FGF12: variants seen among roughly 807,000 people sequenced by gnomAD.
The protein encoded by FGF12 is fibroblast growth factor 12, also known as fibroblast growth factor 12B.
Under a neutral mutation model 23.6 loss-of-function variants are expected in FGF12, and 14 were observed. The observed-to-expected ratio is 0.59, with a 90% CI of 0.39 to 0.93. The LOEUF is 0.93. Ranked by LOEUF, FGF12 falls within the 40% of genes least tolerant of loss-of-function variation. The pLI is 0.00. For synonymous variants in FGF12, 62 were observed against 77.3 expected, an observed-to-expected ratio of 0.80 and a Z score of 1.04; for missense variants, 175 against 217.8, an observed-to-expected ratio of 0.80 and a Z score of 1.24.
At chr3:192,603,963 A>T (rs1362222239) in intron 2 of FGF12, among the ~76,000 whole-genome samples, 1 of 152,094 alleles carries the variant, frequency 6.6e-6, no homozygotes, top group African/African-American at 2.4e-5. Flanking sequence ...CCTTATCTCA[A>T]CCACACAGGA....
At chr3:192,520,392 C>T (rs1209726449) in intron 2 of FGF12, among the ~76,000 whole-genome samples, 1 of 152,170 alleles carries the variant, frequency 6.6e-6, no homozygotes. Context: ...TCCTACTATA[C>T]ACTTAAGGTA....
At chr3:192,329,061 C>T (rs1406320555) in intron 4 of FGF12, among the ~76,000 whole-genome samples, 3 of 152,162 alleles carry the variant, frequency 2.0e-5, no homozygotes, top group Non-Finnish European at 4.4e-5. Flanking sequence ...CAAAATTCAA[C>T]AAGTCTTTAC....
chr3:192,588,727 C>A (rs889136945), intron 2 of FGF12, among the ~76,000 whole-genome samples: 1 of 152,034 alleles, frequency 6.6e-6, no homozygotes, highest in Admixed American at 6.5e-5. Flanking sequence ...CAAGGCTATA[C>A]AGCTAGAAAC....
At chr3:192,190,473 T>C (rs796961649) in intron 4 of FGF12, among the ~76,000 whole-genome samples, 2 of 130,776 alleles carry the variant, frequency 1.5e-5, no homozygotes, top group South Asian at 2.8e-4. Flanking sequence ...ATACTCTTTT[T>C]TTTTTTTTTT....
chr3:192,372,040 C>T (rs1018140788), intron 2 of FGF12, among the ~76,000 whole-genome samples: 1 of 152,106 alleles, frequency 6.6e-6, no homozygotes, highest in East Asian at 1.9e-4. Context: ...AAAAAAGTGG[C>T]GGGGCTGTAG....
intron 2 of FGF12, among the ~76,000 whole-genome samples, chr3:192,557,208 T>C (rs2701591): frequency 0.81 from 122,940 of 151,358 alleles, 50,382 homozygotes; most frequent in East Asian, 0.95. Context: ...AAGATTAAAG[T>C]AGAAATAAAT....
At chr3:192,199,978 C>G (rs1010324363) in intron 4 of FGF12, among the ~76,000 whole-genome samples, 13 of 152,010 alleles carry the variant, frequency 8.6e-5, no homozygotes, top group African/African-American at 3.1e-4. Flanking sequence ...ACGTACTGCT[C>G]CCTGGCTCCA....
intron 2 of FGF12, among the ~76,000 whole-genome samples, chr3:192,584,865 C>A (rs1713308096): frequency 6.6e-6 from 1 of 152,016 alleles, no homozygotes; most frequent in African/African-American, 2.4e-5. Context: ...GTAAAGCTGC[C>A]AACAAAACTC....
chr3:192,476,782 T>C (rs1448370259), intron 2 of FGF12, among the ~76,000 whole-genome samples: 1 of 152,140 alleles, frequency 6.6e-6, no homozygotes, highest in Non-Finnish European at 1.5e-5. Flanking sequence ...AGACTGATTA[T>C]AGCCAAATTG....
chr3:192,548,374 A>T (rs569633095), intron 2 of FGF12, among the ~76,000 whole-genome samples: 32 of 152,328 alleles, frequency 2.1e-4, no homozygotes, highest in South Asian at 1.2e-3. Flanking sequence ...AATTTCAGAC[A>T]TTACACAGTT....
chr3:192,314,274 TA>T (rs1468533864), intron 4 of FGF12, among the ~76,000 whole-genome samples: 45 of 148,342 alleles, frequency 3.0e-4, no homozygotes, highest in African/African-American at 1.0e-3. Flanking sequence ...TGCTTAAAAT[TA>T]AAAATTAAAA....
chr3:192,327,222 A>G (rs537766614), intron 4 of FGF12, among the ~76,000 whole-genome samples: 1 of 152,310 alleles, frequency 6.6e-6, no homozygotes, highest in African/African-American at 2.4e-5. Context: ...AGAAACAACA[A>G]AAACTAAAAG....
At chr3:192,527,013 G>A (rs1043760826) in intron 2 of FGF12, among the ~76,000 whole-genome samples, 2 of 152,138 alleles carry the variant, frequency 1.3e-5, no homozygotes, top group Non-Finnish European at 2.9e-5. Context: ...ACTTGAATGT[G>A]TCCTCAAAAT....
chr3:192,496,335 TG>T (rs1026167358), intron 2 of FGF12, among the ~76,000 whole-genome samples: 7 of 152,048 alleles, frequency 4.6e-5, no homozygotes, highest in African/African-American at 1.7e-4. Flanking sequence ...AGAGGAGGTC[TG>T]GTGCAGGACA....
rs1023685030 is a variant in FGF12 at position 192,407,883 on chromosome 3, A to C, written c.14-47345T>G. 21 of 942,128 alleles carry C rather than the reference A, an allele frequency of 2.2e-5. No individual in the cohort carries two copies. In the Admixed American group the frequency reaches 5.0e-4, roughly 23 times the overall value. 58.4% of individuals were successfully genotyped at this position (942,128 alleles called of 1,614,324 possible). On this transcript the variant is annotated intron_variant, in intron 2 of 5. Transcript: ENST00000445105. ...AAGCTATTAACTGACAGAGTGGTTG[A>C]AAGAAGTCTGGAAATGAGAGAAGAG... is the stretch of plus-strand genomic sequence containing the variant.
At chr3:192,522,189 C>T (rs1341300592) in intron 2 of FGF12, among the ~76,000 whole-genome samples, 28 of 125,304 alleles carry the variant, frequency 2.2e-4, no homozygotes, top group African/African-American at 7.4e-4. Context: ...CAGAGCGAGA[C>T]TCCGTCTCAA....
chr3:192,191,137 A>G (rs1055062241), intron 4 of FGF12, among the ~76,000 whole-genome samples: 5 of 152,200 alleles, frequency 3.3e-5, no homozygotes, highest in African/African-American at 1.2e-4. Flanking sequence ...CATAATATGG[A>G]GAAGTATTTT....
rs922875048 is a variant in FGF12, at chr3:192,448,441, TA to T, written c.14-87904del. 4.6e-5 allele frequency among the ~76,000 whole-genome samples: 7 copies of T among 152,204 alleles called. No homozygotes were observed. In the South Asian group the frequency reaches 1.4e-3, roughly 32 times the overall value. ...TGAGTTATTGAAAAGCAACTAAATA[TA>T]AAAGAAAAACATCCCCCTGAAAATT... On this transcript the variant is annotated intron_variant, in intron 2 of 5. Coordinates refer to ENST00000445105, the MANE Select transcript of FGF12 (RefSeq NM_004113.6).
intron 2 of FGF12, among the ~76,000 whole-genome samples, chr3:192,417,811 G>A (rs771784017): frequency 3.0e-4 from 46 of 152,132 alleles, no homozygotes; most frequent in Non-Finnish European, 5.1e-4. Context: ...CCACTCTAGG[G>A]AAGGGAAAGG....
Sources: allele counts gnomAD v4.1 joint callset (sites outside exome capture counted in the v4.1 genomes callset), GRCh38; gene constraint gnomAD v4.1.1; transcripts MANE v1.5; gene names NCBI Gene and HGNC (gene_info 2026-07-23, HGNC 2026-07-21).